The following ZNF846 variants were observed in gnomAD, a reference collection of about 807,000 sequenced individuals.
ZNF846 encodes the protein zinc finger protein 420 pseudogene.
A neutral mutation model predicts 16.0 loss-of-function variants in ZNF846; 15 were observed. The observed-to-expected ratio is 0.94, with a 90% confidence interval of 0.63 to 1.45. ZNF846 has a LOEUF of 1.45. Among genes scored for constraint, ZNF846 ranks in the 40% most tolerant of loss-of-function variants. ZNF846 has a pLI of 0.00. For missense variants in ZNF846, 714 were observed against 622.3 expected (o/e 1.15, Z -1.57); for synonymous variants, 229 against 212.0 (o/e 1.08, Z -0.70).
At chr19:9,779,468 A>T (rs2045479069) in intron 1 of ZNF846, among the ~76,000 whole-genome samples, 2 of 151,430 alleles carry the variant, frequency 1.3e-5, no homozygotes, top group Non-Finnish European at 2.9e-5. Context: ...GGGTTTCTCC[A>T]TGTTGGTCAG....
chr19:9,762,174 G>A lies in ZNF846; in HGVS notation c.143-6C>T. On this transcript the variant is annotated splice_region_variant and splice_polypyrimidine_tract_variant and intron_variant, in intron 3 of 5. Coordinates refer to ENST00000397902, the Ensembl canonical transcript of ZNF846. ...TTTGAATAATTCAGACCCTGCTGGA[G>A]GGAAAAATGCACAAAAGAAGAGGCC... 1 of 1,613,032 alleles carries A rather than the reference G, an allele frequency of 6.2e-7. No individual in the cohort carries two copies. Among genetic ancestry groups the A allele is most frequent in the Non-Finnish European group, 8.5e-7 (1 of 1,179,168 alleles).
At chr19:9,763,484 T>G in intron 2 of ZNF846, 76 bp from the exon 3 acceptor site, 65 of 1,333,908 alleles carry the variant, frequency 4.9e-5, no homozygotes, top group Non-Finnish European at 6.5e-5. Context: ...CATGAAGGAC[T>G]AAGGAAGACT....
At chr19:9,757,071 C>T (rs1369422044), downstream of ZNF846, among the ~76,000 whole-genome samples, 6 of 151,034 alleles carry the variant, frequency 4.0e-5, no homozygotes, top group East Asian at 1.9e-4. Flanking sequence ...GGCACATGCC[C>T]GTAGTCCCAG....
chr19:9,783,938 A>C (rs1022234768), intron 1 of ZNF846, among the ~76,000 whole-genome samples: 4 of 152,086 alleles, frequency 2.6e-5, no homozygotes, highest in Admixed American at 2.0e-4. Context: ...TCTGAGCTCA[A>C]GCGATCTGCC....
chr19:9,749,197 G>A (rs1418859533), downstream of ZNF846, among the ~76,000 whole-genome samples: 1 of 152,060 alleles, frequency 6.6e-6, no homozygotes, highest in African/African-American at 2.4e-5. Context: ...AACAGTAATA[G>A]CCCTTATAAA....
downstream of ZNF846, among the ~76,000 whole-genome samples, chr19:9,752,946 T>G (rs1425236527): frequency 6.7e-6 from 1 of 148,290 alleles, no homozygotes; most frequent in East Asian, 1.9e-4. Flanking sequence ...CAACATAAAT[T>G]TATTTCTCCG....
Position 9,783,012 on chromosome 19 carries a change from C to A in ZNF846, c.-86+2926G>T, listed in dbSNP as rs574306810. ...TCATGGCTCACTGCAGCCTTGACCT[C>A]CCAGGCTCAAGCAATCCTCCCACCT... is the stretch of plus-strand genomic sequence containing the variant. On this transcript the variant is annotated intron_variant, in intron 1 of 4. Coordinates refer to the ZNF846 transcript ENST00000586814. 3.3e-5 allele frequency among the ~76,000 whole-genome samples: 5 copies of A among 151,744 alleles called. No homozygotes were observed. In the South Asian group the frequency reaches 1.0e-3, roughly 32 times the overall value.
downstream of ZNF846, among the ~76,000 whole-genome samples, chr19:9,757,039 C>CA (rs980351871): frequency 1.3e-5 from 2 of 151,076 alleles, no homozygotes; most frequent in African/African-American, 4.9e-5. Context: ...ACTAAAAATA[C>CA]AAAAAATTAG....
At chr19:9,757,995 C>T in exon 6 of ZNF846, 1 of 1,613,510 alleles carries the variant, frequency 6.2e-7, no homozygotes, top group South Asian at 1.1e-5. Context: ...CTTCTCTCCA[C>T]TGTGAATCCT....
downstream of ZNF846, among the ~76,000 whole-genome samples, chr19:9,749,664 C>T (rs896516886): frequency 6.6e-6 from 1 of 151,620 alleles, no homozygotes; most frequent in Non-Finnish European, 1.5e-5. Flanking sequence ...CCCACTCTCT[C>T]CTCACTGCCT....
chr19:9,766,081 G>T (rs2045310751), intron 1 of ZNF846, among the ~76,000 whole-genome samples: 1 of 152,158 alleles, frequency 6.6e-6, no homozygotes, highest in Non-Finnish European at 1.5e-5. Flanking sequence ...CACCCAAGTT[G>T]TTGTGTTCAT....
exon 5 of ZNF846, chr19:9,759,904 G>A: frequency 6.2e-7 from 1 of 1,613,142 alleles, no homozygotes; most frequent in East Asian, 2.2e-5. Flanking sequence ...ATATCTTGCA[G>A]CAGTGGGGAG....
At chr19:9,757,105 G>T (rs1284045482), downstream of ZNF846, among the ~76,000 whole-genome samples, 1 of 151,284 alleles carries the variant, frequency 6.6e-6, no homozygotes, top group African/African-American at 2.5e-5. Context: ...TGAGGTGGGA[G>T]AATTCCTTGA....
intron 1 of ZNF846, among the ~76,000 whole-genome samples, chr19:9,781,870 C>T (rs187545866): frequency 1.5e-4 from 23 of 151,642 alleles, no homozygotes; most frequent in African/African-American, 4.8e-4. Flanking sequence ...CCTCCGCCTC[C>T]GGGTTCAAGG....
intron 1 of ZNF846, among the ~76,000 whole-genome samples, chr19:9,767,696 G>A (rs960427914): frequency 6.6e-6 from 1 of 152,104 alleles, no homozygotes; most frequent in Admixed American, 6.6e-5. Context: ...CAGCACTTTG[G>A]GAGTCCGAGG....
intron 1 of ZNF846, among the ~76,000 whole-genome samples, chr19:9,773,812 T>G (rs139688361): frequency 6.6e-6 from 1 of 151,918 alleles, no homozygotes; most frequent in East Asian, 1.9e-4. Flanking sequence ...AAAAAGTAAA[T>G]AAGCATAGAA....
chr19:9,778,440 T>C (rs2045468813), intron 1 of ZNF846, among the ~76,000 whole-genome samples: 1 of 152,068 alleles, frequency 6.6e-6, no homozygotes, highest in Non-Finnish European at 1.5e-5. Flanking sequence ...ATCATCCCCA[T>C]TGGAAATCAC....
At chr19:9,774,599 T>TAGCA (rs774645952) in intron 1 of ZNF846, 36 of 1,510,092 alleles carry the variant, frequency 2.4e-5, no homozygotes, top group Non-Finnish European at 3.3e-5. Flanking sequence ...TTTATTGACT[T>TAGCA]AGCAAGGGCT....
At chr19:9,754,146 GT>G (rs1235970746), downstream of ZNF846, among the ~76,000 whole-genome samples, 1 of 151,440 alleles carries the variant, frequency 6.6e-6, no homozygotes, top group African/African-American at 2.4e-5. Context: ...TCTTCTATCA[GT>G]TTTTTACTTC....
Sources: gnomAD v4.1 joint callset for allele counts (sites outside exome capture counted in the v4.1 genomes callset) on GRCh38, gnomAD v4.1.1 for gene constraint, MANE v1.5 for transcripts, NCBI Gene and HGNC (gene_info 2026-07-23, HGNC 2026-07-21) for gene names.